The following RNF180 variants were observed in gnomAD, a reference collection of about 807,000 sequenced individuals.
RNF180 encodes the protein E3 ubiquitin-protein ligase RNF180.
In RNF180, 38 loss-of-function variants were observed where a neutral mutation model predicts 59.2. The ratio of observed to expected loss-of-function variants is 0.64; its 90% confidence interval spans 0.50 to 0.84. The LOEUF is 0.84. Ranked by LOEUF, RNF180 falls within the 40% of genes least tolerant of loss-of-function variation. RNF180 has a pLI of 0.00. For missense variants in RNF180, 705 were observed against 700.9 expected, an observed-to-expected ratio of 1.01 and a Z score of -0.07; for synonymous variants, 262 against 240.3, an observed-to-expected ratio of 1.09 and a Z score of -0.84.
chr5:64,205,544 G>A (rs1561187618), intron 2 of RNF180, among the ~76,000 whole-genome samples: 1 of 152,138 alleles, frequency 6.6e-6, no homozygotes, highest in African/African-American at 2.4e-5. Flanking sequence ...TTATGGTTTT[G>A]GACATGTGAA....
chr5:64,242,165 CAT>C (rs1272835152), intron 5 of RNF180, among the ~76,000 whole-genome samples: 5 of 152,180 alleles, frequency 3.3e-5, no homozygotes, highest in Non-Finnish European at 5.9e-5. Flanking sequence ...CCATGTCTGC[CAT>C]ATTGGGCTCT....
At chr5:64,182,346 A>G (rs1002707414) in intron 1 of RNF180, among the ~76,000 whole-genome samples, 1 of 152,208 alleles carries the variant, frequency 6.6e-6, no homozygotes, top group South Asian at 2.1e-4. Context: ...CAATTGCTTT[A>G]GAGGATCTTC....
intron 5 of RNF180, among the ~76,000 whole-genome samples, chr5:64,221,676 T>C (rs1741347511): frequency 6.6e-6 from 1 of 152,210 alleles, no homozygotes; most frequent in South Asian, 2.1e-4. Context: ...AACAAAATAA[T>C]GTATGATTGA....
chr5:64,173,055 G>A (rs1261693957), intron 1 of RNF180, among the ~76,000 whole-genome samples: 1 of 152,178 alleles, frequency 6.6e-6, no homozygotes, highest in Non-Finnish European at 1.5e-5. Flanking sequence ...ATCCTTGCCT[G>A]TTAGATTTTT....
At chr5:64,256,445 T>G (rs1743969632) in intron 5 of RNF180, among the ~76,000 whole-genome samples, 1 of 152,206 alleles carries the variant, frequency 6.6e-6, no homozygotes, top group South Asian at 2.1e-4. Flanking sequence ...CCAGCACCAT[T>G]TATTAAATAG....
At chr5:64,349,319 AT>A (rs375867614) in intron 7 of RNF180, among the ~76,000 whole-genome samples, 27 of 149,560 alleles carry the variant, frequency 1.8e-4, no homozygotes, top group Admixed American at 7.3e-4. Context: ...TGTTAACTTC[AT>A]TTTTTTTGTA....
intron 7 of RNF180, among the ~76,000 whole-genome samples, chr5:64,337,781 T>A (rs1381474326): frequency 6.6e-6 from 1 of 151,942 alleles, no homozygotes; most frequent in Non-Finnish European, 1.5e-5. Flanking sequence ...CTTGCGATAG[T>A]TTACTGAGAA....
chr5:64,200,773 T>C, intron 1 of RNF180, 35 bp from the exon 2 acceptor site: 1 of 1,588,408 alleles, frequency 6.3e-7, no homozygotes, highest in South Asian at 1.1e-5. Flanking sequence ...TATCTGACAG[T>C]TTAACATTCT....
chr5:64,206,495 G>A (rs530716030), intron 2 of RNF180, among the ~76,000 whole-genome samples: 27 of 152,020 alleles, frequency 1.8e-4, no homozygotes, highest in African/African-American at 5.8e-4. Flanking sequence ...TTATTCTGGT[G>A]GTATTTTTCC....
At chr5:64,331,334 TG>T (rs1384120561) in intron 7 of RNF180, among the ~76,000 whole-genome samples, 1 of 152,198 alleles carries the variant, frequency 6.6e-6, no homozygotes, top group Non-Finnish European at 1.5e-5. Context: ...ACCTGAAGAC[TG>T]GGGGCTGGGC....
chr5:64,240,764 A>C (rs114666532), intron 5 of RNF180, among the ~76,000 whole-genome samples: 1 of 152,232 alleles, frequency 6.6e-6, no homozygotes, highest in African/African-American at 2.4e-5. Flanking sequence ...AGGTATCCAC[A>C]TAAGTCCCTT....
At chr5:64,344,340 A>AG (rs1227680722) in intron 7 of RNF180, among the ~76,000 whole-genome samples, 3 of 152,124 alleles carry the variant, frequency 2.0e-5, no homozygotes, top group Non-Finnish European at 4.4e-5. Flanking sequence ...GAATTATTGG[A>AG]GAAAAAAGGA....
intron 5 of RNF180, among the ~76,000 whole-genome samples, chr5:64,281,450 C>T (rs1423093754): frequency 6.6e-6 from 1 of 152,044 alleles, no homozygotes; most frequent in Non-Finnish European, 1.5e-5. Flanking sequence ...TCATAGATGA[C>T]TCCTGTTATT....
At chr5:64,289,438 A>G (rs1408717775) in intron 5 of RNF180, among the ~76,000 whole-genome samples, 2 of 152,062 alleles carry the variant, frequency 1.3e-5, no homozygotes, top group African/African-American at 4.8e-5. Context: ...CCATTTTTCA[A>G]TTGTTTTGAA....
At chr5:64,175,782 A>T (rs1163524608) in intron 1 of RNF180, among the ~76,000 whole-genome samples, 2 of 152,024 alleles carry the variant, frequency 1.3e-5, no homozygotes, top group Non-Finnish European at 2.9e-5. Flanking sequence ...AATTTCTTTT[A>T]TCGATATTTT....
intron 5 of RNF180, among the ~76,000 whole-genome samples, chr5:64,318,209 AAAT>A (rs1744165389): frequency 1.3e-5 from 2 of 152,218 alleles, no homozygotes; most frequent in South Asian, 4.1e-4. Flanking sequence ...TAACAATAAA[AAAT>A]AGAACAATTA....
At chr5:64,208,645 G>C (rs1470257476) in intron 2 of RNF180, among the ~76,000 whole-genome samples, 2 of 151,880 alleles carry the variant, frequency 1.3e-5, no homozygotes, top group African/African-American at 4.8e-5. Context: ...GAAAGTAGTT[G>C]GCAGTTTCAT....
At chr5:64,166,921 T>G (rs1749672013) in intron 1 of RNF180, among the ~76,000 whole-genome samples, 1 of 152,214 alleles carries the variant, frequency 6.6e-6, no homozygotes, top group South Asian at 2.1e-4. Flanking sequence ...TTTTATATAC[T>G]CATTAATTGT....
intron 5 of RNF180, among the ~76,000 whole-genome samples, chr5:64,293,578 T>C (rs2112431935): frequency 6.6e-6 from 1 of 152,160 alleles, no homozygotes; most frequent in East Asian, 1.9e-4. Context: ...AAATTCTTAA[T>C]CTACCATAGT....
Sources: gnomAD v4.1 joint callset for allele counts (sites outside exome capture counted in the v4.1 genomes callset) on GRCh38, gnomAD v4.1.1 for gene constraint, MANE v1.5 for transcripts, NCBI Gene and HGNC (gene_info 2026-07-23, HGNC 2026-07-21) for gene names.